The following VPS45 variants were observed in gnomAD, a reference collection of about 807,000 sequenced individuals.
The protein encoded by VPS45 is vacuolar protein sorting 45 homolog, also known as vacuolar protein sorting-associated protein 45.
Under a neutral mutation model 75.9 loss-of-function variants are expected in VPS45, and 35 were observed. The observed-to-expected ratio is 0.46, with a 90% CI of 0.35 to 0.61. The LOEUF (loss-of-function observed/expected upper bound fraction) is 0.61, where lower values mean the gene tolerates loss of function less well. Ranked by LOEUF, VPS45 falls within the 20% of genes least tolerant of loss-of-function variation. The pLI, the probability that VPS45 is intolerant of heterozygous loss-of-function variation, is 0.00. For synonymous variants in VPS45, 220 were observed against 238.2 expected (o/e 0.92, Z 0.70); for missense variants, 559 against 685.9 (o/e 0.81, Z 2.07).
chr1:150,121,900 A>G (rs10494265), intron 14 of VPS45, among the ~76,000 whole-genome samples: 6,617 of 152,256 alleles, frequency 0.043, 470 homozygotes, highest in African/African-American at 0.15. Flanking sequence ...ATAGTAAATC[A>G]GTATGTAATA....
chr1:150,144,606 T>TA, intron 14 of VPS45, 103 bp from the exon 15 acceptor site: 1 of 986,742 alleles, frequency 1.0e-6, no homozygotes. Context: ...TCCTGCCTAC[T>TA]ATTCATGATA....
At chr1:150,136,590 T>G (rs782211750) in intron 14 of VPS45, among the ~76,000 whole-genome samples, 6 of 151,934 alleles carry the variant, frequency 3.9e-5, no homozygotes, top group Non-Finnish European at 7.4e-5. Flanking sequence ...AAAGTGTTCA[T>G]GTACAGAAGT....
At chr1:150,105,311 T>C (rs187335397) in intron 13 of VPS45, among the ~76,000 whole-genome samples, 10 of 152,188 alleles carry the variant, frequency 6.6e-5, no homozygotes, top group Middle Eastern at 3.4e-3. Context: ...GACATCCAAA[T>C]TGGAAAAGAA....
intron 13 of VPS45, among the ~76,000 whole-genome samples, chr1:150,098,294 T>C (rs587749771): frequency 2.6e-5 from 4 of 152,388 alleles, no homozygotes; most frequent in Admixed American, 6.5e-5. Flanking sequence ...TTATGTTTTG[T>C]TAATCTTTGG....
intron 10 of VPS45, among the ~76,000 whole-genome samples, chr1:150,085,872 T>C (rs1228038740): frequency 6.6e-6 from 1 of 152,232 alleles, no homozygotes; most frequent in Middle Eastern, 3.4e-3. Flanking sequence ...CTGAAACATA[T>C]ACATATCCTC....
At chr1:150,095,447 T>C (rs1656569164) in intron 13 of VPS45, among the ~76,000 whole-genome samples, 1 of 152,160 alleles carries the variant, frequency 6.6e-6, no homozygotes, top group Non-Finnish European at 1.5e-5. Context: ...ACCCTGTCTC[T>C]ACTAAAACTA....
chr1:150,136,829 A>C (rs1553813865), intron 14 of VPS45, among the ~76,000 whole-genome samples: 1 of 151,628 alleles, frequency 6.6e-6, no homozygotes, highest in African/African-American at 2.4e-5. Flanking sequence ...AGTTCTTCAT[A>C]AGTAAAGTCT....
chr1:150,105,828 CAG>C (rs751705505), intron 13 of VPS45, among the ~76,000 whole-genome samples: 1 of 151,940 alleles, frequency 6.6e-6, no homozygotes, highest in Non-Finnish European at 1.5e-5. Flanking sequence ...AAAACAAATC[CAG>C]AGTCACATTG....
intron 14 of VPS45, among the ~76,000 whole-genome samples, chr1:150,120,986 G>C (rs374682825): frequency 8.1e-4 from 122 of 149,694 alleles, no homozygotes; most frequent in Non-Finnish European, 1.5e-3. Context: ...TCCTGCCTCA[G>C]CCTCCTGAGT....
intron 14 of VPS45, among the ~76,000 whole-genome samples, chr1:150,128,321 A>G (rs1553811334): frequency 7.2e-6 from 1 of 139,136 alleles, no homozygotes; most frequent in African/African-American, 3.0e-5. Context: ...AAAGAAAATT[A>G]ACTTGATTAA....
At chr1:150,130,930 C>A (rs927570024) in intron 14 of VPS45, among the ~76,000 whole-genome samples, 1 of 151,898 alleles carries the variant, frequency 6.6e-6, no homozygotes, top group African/African-American at 2.4e-5. Context: ...AATTTTCAAA[C>A]GAAGAAATAG....
At chr1:150,125,877 G>A (rs968129393) in intron 14 of VPS45, among the ~76,000 whole-genome samples, 15 of 151,702 alleles carry the variant, frequency 9.9e-5, no homozygotes, top group Non-Finnish European at 4.4e-5. Context: ...TAGTAGAGAC[G>A]GGCTTTCACC....
At chr1:150,072,614 G>A (rs916984374) in intron 3 of VPS45, among the ~76,000 whole-genome samples, 3 of 140,116 alleles carry the variant, frequency 2.1e-5, no homozygotes, top group East Asian at 2.1e-4. Context: ...CCGAGATTGC[G>A]CCATTGCACT....
intron 14 of VPS45, among the ~76,000 whole-genome samples, chr1:150,134,838 T>C (rs1435240825): frequency 6.6e-6 from 1 of 152,176 alleles, no homozygotes; most frequent in Non-Finnish European, 1.5e-5. Flanking sequence ...ATTATTACTA[T>C]TGCTCCTCTC....
At chr1:150,130,063 A>G (rs1218463407) in intron 14 of VPS45, among the ~76,000 whole-genome samples, 1 of 151,566 alleles carries the variant, frequency 6.6e-6, no homozygotes, top group African/African-American at 2.4e-5. Context: ...GGAGTCTCAA[A>G]TATATTGCCC....
intron 14 of VPS45, among the ~76,000 whole-genome samples, chr1:150,121,720 T>C (rs1223507915): frequency 6.6e-6 from 1 of 152,180 alleles, no homozygotes; most frequent in East Asian, 1.9e-4. Flanking sequence ...GTAATAGATA[T>C]TTATTGAACA....
At position 150,123,192 on chromosome 1, in the gene VPS45, C is replaced by G. The variant is rs879980559; in HGVS notation, c.1625+12565C>G. 6.6e-5 allele frequency among the ~76,000 whole-genome samples: 10 copies of G among 152,230 alleles called. No individual in the cohort carries two copies. The East Asian group carries it at 1.9e-3, about 29-fold the overall frequency. The stretch of plus-strand genomic sequence containing the variant: ...AGACTCCTCCATGTGTAACATACAT[C>G]AGTACTTTATTCCTTTTTATGACTG... On this transcript the variant is annotated intron_variant, in intron 14 of 14. Coordinates refer to ENST00000644510, the MANE Select transcript of VPS45 (RefSeq NM_007259.5).
chr1:150,078,446 A>G (rs1406260889), intron 7 of VPS45, among the ~76,000 whole-genome samples: 1 of 152,136 alleles, frequency 6.6e-6, no homozygotes, highest in African/African-American at 2.4e-5. Context: ...ATCTTCACCT[A>G]TCAAAATACT....
At chr1:150,110,000 G>A (rs587765150) in intron 13 of VPS45, 1 of 152,202 alleles carries the variant, frequency 6.6e-6, no homozygotes, top group African/African-American at 2.4e-5. Context: ...TAGTTTCCAT[G>A]TTTTGGGGAC....
Sources: gnomAD v4.1 joint callset for allele counts (sites outside exome capture counted in the v4.1 genomes callset) on GRCh38, gnomAD v4.1.1 for gene constraint, MANE v1.5 for transcripts, NCBI Gene and HGNC (gene_info 2026-07-23, HGNC 2026-07-21) for gene names.